Variants in FTO observed in about 807,000 individuals in gnomAD.
FTO encodes alpha-ketoglutarate-dependent dioxygenase FTO.
In FTO, 47 loss-of-function variants were observed where a neutral mutation model predicts 63.9. That is an observed-to-expected ratio of 0.74 (90% CI 0.58 to 0.94). The LOEUF is 0.94. Ranked by LOEUF, FTO falls within the 40% of genes least tolerant of loss-of-function variation. FTO has a pLI of 0.00. For synonymous variants in FTO, 207 were observed against 224.4 expected (o/e 0.92, Z 0.69); for missense variants, 562 against 618.1 (o/e 0.91, Z 0.96).
At chr16:53,742,298 C>T (rs1457644179) in intron 1 of FTO, among the ~76,000 whole-genome samples, 1 of 152,030 alleles carries the variant, frequency 6.6e-6, no homozygotes, top group Non-Finnish European at 1.5e-5. Flanking sequence ...CAATACCAGC[C>T]CTTCCAGTTT....
At chr16:54,066,032 A>T (rs1471895130) in intron 8 of FTO, among the ~76,000 whole-genome samples, 1 of 152,262 alleles carries the variant, frequency 6.6e-6, no homozygotes, top group Admixed American at 6.5e-5. Context: ...CCACTTTTGC[A>T]CACAGTACTT....
At chr16:53,824,334 C>T (rs2078947906) in intron 2 of FTO, among the ~76,000 whole-genome samples, 1 of 152,068 alleles carries the variant, frequency 6.6e-6, no homozygotes, top group African/African-American at 2.4e-5. Context: ...TTCCTGAGTG[C>T]CTTTGGCTTC....
At chr16:53,864,382 G>A (rs1391450046) in intron 4 of FTO, among the ~76,000 whole-genome samples, 1 of 152,128 alleles carries the variant, frequency 6.6e-6, no homozygotes, top group Non-Finnish European at 1.5e-5. Flanking sequence ...TGTCCTTTTC[G>A]AAAAGTCTGT....
At chr16:54,010,092 G>A (rs2084302372) in intron 8 of FTO, among the ~76,000 whole-genome samples, 1 of 152,112 alleles carries the variant, frequency 6.6e-6, no homozygotes, top group African/African-American at 2.4e-5. Context: ...CCTTTTAGTT[G>A]TTGCTAGGGT....
intron 8 of FTO, chr16:53,998,295 A>T (rs2083988851): frequency 6.6e-6 from 1 of 152,244 alleles, no homozygotes; most frequent in African/African-American, 2.4e-5. Context: ...AATGATTGAC[A>T]AAGTAAGCAA....
intron 2 of FTO, among the ~76,000 whole-genome samples, chr16:53,812,530 G>A (rs2078560979): frequency 6.6e-6 from 1 of 152,162 alleles, no homozygotes; most frequent in South Asian, 2.1e-4. Context: ...TCACTTAATT[G>A]TAATGAATTT....
At chr16:53,850,576 A>G (rs547581868) in intron 4 of FTO, among the ~76,000 whole-genome samples, 1 of 152,144 alleles carries the variant, frequency 6.6e-6, no homozygotes, top group South Asian at 2.1e-4. Flanking sequence ...TTTTTGTTAC[A>G]TCCAGGTTTT....
chr16:54,037,172 T>C (rs1240447836), intron 8 of FTO, among the ~76,000 whole-genome samples: 1 of 152,154 alleles, frequency 6.6e-6, no homozygotes, highest in East Asian at 1.9e-4. Context: ...TTTCACCCAC[T>C]TCTGGAACTA....
rs1450250507 is a variant in FTO, at chr16:53,829,591, T to A, written c.751+3100T>A. Among the ~76,000 whole-genome samples, 3 of 152,292 alleles carry A rather than the reference T, an allele frequency of 2.0e-5. No individual in the cohort carries two copies. In the East Asian group the frequency reaches 5.8e-4, roughly 29 times the overall value. On this transcript the variant is annotated intron_variant, in intron 3 of 8. Transcript: ENST00000471389. ...TTGAAGAGAATCATTTGGTTTAAAA[T>A]TTTGGTTGAGGTTGAGAAGGGCTTA... is the stretch of plus-strand genomic sequence containing the variant.
At chr16:53,858,683 C>T (rs543588532) in intron 4 of FTO, among the ~76,000 whole-genome samples, 2 of 151,582 alleles carry the variant, frequency 1.3e-5, no homozygotes, top group South Asian at 2.1e-4. Flanking sequence ...TTTTGTGAGA[C>T]GGGGTCTTGA....
intron 8 of FTO, among the ~76,000 whole-genome samples, chr16:54,087,627 A>G (rs2086279837): frequency 6.6e-6 from 1 of 152,038 alleles, no homozygotes; most frequent in African/African-American, 2.4e-5. Flanking sequence ...ACATAGCAAG[A>G]CCCCATCTCT....
At chr16:54,056,055 C>T (rs2085426068) in intron 8 of FTO, among the ~76,000 whole-genome samples, 1 of 152,206 alleles carries the variant, frequency 6.6e-6, no homozygotes, top group Admixed American at 6.5e-5. Context: ...CAATAGAGCA[C>T]TGTATTTTCA....
intron 2 of FTO, among the ~76,000 whole-genome samples, chr16:53,811,264 TC>T (rs1199795909): frequency 6.6e-6 from 1 of 152,218 alleles, no homozygotes; most frequent in East Asian, 1.9e-4. Flanking sequence ...AATTTTCACC[TC>T]TTTTTTCCTA....
At chr16:53,802,056 A>G (rs1048470057) in intron 1 of FTO, among the ~76,000 whole-genome samples, 3 of 152,124 alleles carry the variant, frequency 2.0e-5, no homozygotes, top group African/African-American at 4.8e-5. Context: ...GAGCCACCAC[A>G]CGCAGTCTTA....
intron 6 of FTO, among the ~76,000 whole-genome samples, chr16:53,888,277 C>G (rs2081051688): frequency 1.3e-5 from 2 of 150,508 alleles, no homozygotes; most frequent in South Asian, 2.1e-4. Context: ...AATTATAGCT[C>G]ACTGCAGCCT....
At chr16:54,013,598 G>A (rs1316964645) in intron 8 of FTO, 1 of 152,164 alleles carries the variant, frequency 6.6e-6, no homozygotes, top group African/African-American at 2.4e-5. Flanking sequence ...CACCTTCATT[G>A]TCTTATTTTA....
chr16:53,976,981 T>C (rs2083449254), intron 8 of FTO, among the ~76,000 whole-genome samples: 2 of 152,192 alleles, frequency 1.3e-5, no homozygotes, highest in Admixed American at 6.5e-5. Context: ...AATGTACTTT[T>C]GTTGGTCTCT....
At chr16:53,870,435 G>C (rs550369048) in intron 4 of FTO, among the ~76,000 whole-genome samples, 2 of 152,082 alleles carry the variant, frequency 1.3e-5, no homozygotes, top group Non-Finnish European at 2.9e-5. Flanking sequence ...TACAGTTACG[G>C]TTTTTCTATC....
intron 2 of FTO, chr16:53,814,844 G>C (rs1216425492): frequency 1.3e-5 from 2 of 152,168 alleles, no homozygotes; most frequent in African/African-American, 4.8e-5. Flanking sequence ...CCGACTCTGT[G>C]CCAGGTACTG....
Sources: gnomAD v4.1 joint callset for allele counts (sites outside exome capture counted in the v4.1 genomes callset) on GRCh38, gnomAD v4.1.1 for gene constraint, MANE v1.5 for transcripts, NCBI Gene and HGNC (gene_info 2026-07-23, HGNC 2026-07-21) for gene names.